Variants in ST6GALNAC3 observed in about 807,000 individuals in gnomAD.
The protein encoded by ST6GALNAC3 is alpha-N-acetylgalactosaminide alpha-2,6-sialyltransferase 3.
Under a neutral mutation model 32.7 loss-of-function variants are expected in ST6GALNAC3, and 25 were observed. The ratio of observed to expected loss-of-function variants is 0.76; its 90% CI spans 0.56 to 1.07. The LOEUF (loss-of-function observed/expected upper bound fraction) is 1.07, where lower values mean the gene tolerates loss of function less well. Ranked by LOEUF, ST6GALNAC3 falls within the 50% of genes least tolerant of loss-of-function variation. The probability of loss-of-function intolerance (pLI) is 0.00; values close to 1 mark genes in which losing one functional copy is unlikely to be tolerated. For missense variants in ST6GALNAC3, 355 were observed against 382.4 expected (o/e 0.93, Z 0.60); for synonymous variants, 129 against 133.1 (o/e 0.97, Z 0.21).
chr1:76,239,896 A>T (rs1337925082), intron 1 of ST6GALNAC3, among the ~76,000 whole-genome samples: 1 of 152,198 alleles, frequency 6.6e-6, no homozygotes, highest in East Asian at 1.9e-4. Context: ...TACCTCCTTA[A>T]TCTTTTTCTT....
At chr1:76,598,159 G>A (rs1647166805) in intron 3 of ST6GALNAC3, among the ~76,000 whole-genome samples, 1 of 152,052 alleles carries the variant, frequency 6.6e-6, no homozygotes, top group Non-Finnish European at 1.5e-5. Context: ...ATCTCTTTTA[G>A]AAGGGCACTA....
At chr1:76,592,795 C>T (rs576693005) in intron 3 of ST6GALNAC3, among the ~76,000 whole-genome samples, 3 of 152,204 alleles carry the variant, frequency 2.0e-5, no homozygotes, top group African/African-American at 7.2e-5. Context: ...GACAAGAAAA[C>T]CAGAATAAAT....
intron 3 of ST6GALNAC3, among the ~76,000 whole-genome samples, chr1:76,485,613 TTTCTTCTTTATTA>T (rs1660055914): frequency 6.6e-6 from 1 of 152,204 alleles, no homozygotes; most frequent in South Asian, 2.1e-4. Context: ...TCTTCTCTGT[TTTCTTCTTTATTA>T]GTCTTGCTAG....
intron 3 of ST6GALNAC3, among the ~76,000 whole-genome samples, chr1:76,504,128 A>T (rs1027615196): frequency 6.6e-6 from 1 of 152,176 alleles, no homozygotes; most frequent in Non-Finnish European, 1.5e-5. Flanking sequence ...TCAAGGTGTC[A>T]GCAATGTTGG....
chr1:76,622,640 G>A (rs1339475314), intron 3 of ST6GALNAC3, among the ~76,000 whole-genome samples: 4 of 151,934 alleles, frequency 2.6e-5, no homozygotes, highest in Admixed American at 2.6e-4. Flanking sequence ...ACAACAAAGA[G>A]TTATCCTGTC....
At chr1:76,140,498 T>C (rs1650242712) in intron 1 of ST6GALNAC3, among the ~76,000 whole-genome samples, 1 of 152,166 alleles carries the variant, frequency 6.6e-6, no homozygotes, top group Non-Finnish European at 1.5e-5. Context: ...TGGACTCCTA[T>C]TGATCCTTGT....
chr1:76,306,198 C>G (rs1259270813), intron 1 of ST6GALNAC3, among the ~76,000 whole-genome samples: 1 of 152,074 alleles, frequency 6.6e-6, no homozygotes, highest in Non-Finnish European at 1.5e-5. Flanking sequence ...AAGACAACTA[C>G]AGGGTGCACT....
Position 76,490,341 on chromosome 1 carries a change from T to A in ST6GALNAC3, c.623+77924T>A, listed in dbSNP as rs796804545. Among the ~76,000 whole-genome samples the A allele has an allele frequency of 3.4e-4, 51 of 152,072 alleles. 1 individual carries two copies. The highest frequency in any genetic ancestry group is 1.2e-3 in the African/African-American group (49 of 41,526). On this transcript the variant is annotated intron_variant, in intron 3 of 4. Coordinates refer to ENST00000328299, the MANE Select transcript of ST6GALNAC3 (RefSeq NM_152996.4). ...TAGGATCCAGAGACTTAAAAAAAAA[T>A]CTGCATTTAGTAGGTTGGCCTTGGA...
At chr1:76,372,165 A>G (rs1005995454) in intron 2 of ST6GALNAC3, among the ~76,000 whole-genome samples, 9 of 152,174 alleles carry the variant, frequency 5.9e-5, no homozygotes, top group African/African-American at 2.2e-4. Context: ...GGCACCAGGA[A>G]GCAGAGACAG....
In ST6GALNAC3 at chr1:76,433,864, C is replaced by A. The variant is rs114961498; in HGVS notation, c.623+21447C>A. ...ATATGACAATTAGTTTTGAAAGCTG[C>A]TGATGATAGCAGACAGGGGTGACAT... On this transcript the variant is annotated intron_variant, in intron 3 of 4. Coordinates refer to ENST00000328299, the MANE Select transcript of ST6GALNAC3 (RefSeq NM_152996.4). 8.1e-3 allele frequency among the ~76,000 whole-genome samples: 1,234 copies of A among 152,282 alleles called. 5 individuals are homozygous for A. Among genetic ancestry groups the A allele is most frequent in the Admixed American group, 0.019 (289 of 15,298 alleles).
At chr1:76,270,417 G>A (rs909190623) in intron 1 of ST6GALNAC3, among the ~76,000 whole-genome samples, 10 of 142,964 alleles carry the variant, frequency 7.0e-5, no homozygotes, top group African/African-American at 2.6e-4. Flanking sequence ...TGAGGCAGGA[G>A]AATTGCTTGA....
chr1:76,515,168 G>T (rs1034747736), intron 3 of ST6GALNAC3, among the ~76,000 whole-genome samples: 1 of 151,930 alleles, frequency 6.6e-6, no homozygotes, highest in Non-Finnish European at 1.5e-5. Flanking sequence ...TTGATGGAGG[G>T]TATTTTATTA....
chr1:76,240,185 A>G (rs1656887387), intron 1 of ST6GALNAC3, among the ~76,000 whole-genome samples: 1 of 152,210 alleles, frequency 6.6e-6, no homozygotes, highest in African/African-American at 2.4e-5. Flanking sequence ...AATGGCATAT[A>G]TACATATATT....
At chr1:76,183,455 A>G (rs991242639) in intron 1 of ST6GALNAC3, among the ~76,000 whole-genome samples, 5 of 152,152 alleles carry the variant, frequency 3.3e-5, no homozygotes, top group African/African-American at 9.7e-5. Flanking sequence ...TTATTGAAAC[A>G]TATGAGTGTC....
chr1:76,547,984 T>C (rs907915680), intron 3 of ST6GALNAC3, among the ~76,000 whole-genome samples: 2 of 152,200 alleles, frequency 1.3e-5, no homozygotes, highest in African/African-American at 4.8e-5. Context: ...ATTCTTTGTT[T>C]ACAGATCATT....
chr1:76,572,807 AG>A (rs1646730808), intron 3 of ST6GALNAC3, among the ~76,000 whole-genome samples: 1 of 152,266 alleles, frequency 6.6e-6, no homozygotes, highest in African/African-American at 2.4e-5. Context: ...GACAGCAGGC[AG>A]CTAAGAAATT....
chr1:76,444,037 C>A (rs889970525), intron 3 of ST6GALNAC3, among the ~76,000 whole-genome samples: 1 of 152,206 alleles, frequency 6.6e-6, no homozygotes, highest in Non-Finnish European at 1.5e-5. Context: ...TTACTTCTCA[C>A]AGAATTAGAA....
chr1:76,185,516 C>T (rs1392473806), intron 1 of ST6GALNAC3, among the ~76,000 whole-genome samples: 5 of 152,152 alleles, frequency 3.3e-5, no homozygotes, highest in Admixed American at 2.6e-4. Context: ...GAGGAAAGCA[C>T]TCTTTGCTTT....
intron 3 of ST6GALNAC3, among the ~76,000 whole-genome samples, chr1:76,512,804 AAC>A (rs1661948538): frequency 1.3e-5 from 2 of 151,964 alleles, no homozygotes; most frequent in South Asian, 2.1e-4. Context: ...TATACACACA[AAC>A]ACACACACTT....
Sources: allele counts gnomAD v4.1 joint callset (sites outside exome capture counted in the v4.1 genomes callset), GRCh38; gene constraint gnomAD v4.1.1; transcripts MANE v1.5; gene names NCBI Gene and HGNC (gene_info 2026-07-23, HGNC 2026-07-21).